ZDHHC18: variants seen among roughly 807,000 people sequenced by gnomAD.
The protein encoded by ZDHHC18 is palmitoyltransferase ZDHHC18.
In ZDHHC18, 23 loss-of-function variants were observed where a neutral mutation model predicts 37.5. That is an observed-to-expected ratio of 0.61 (90% CI 0.44 to 0.87). The LOEUF is 0.87. ZDHHC18 is among the 40% of genes least tolerant of loss of function. ZDHHC18 has a pLI of 0.00. For missense variants in ZDHHC18, 406 were observed against 525.6 expected (o/e 0.77, Z 2.22); for synonymous variants, 185 against 218.7 (o/e 0.85, Z 1.36).
Position 26,854,161 on chromosome 1 carries a change from A to G in ZDHHC18, c.*318A>G. On this transcript the variant is annotated 3_prime_UTR_variant, in exon 8 of 8. Coordinates refer to ENST00000374142, the MANE Select transcript of ZDHHC18 (RefSeq NM_032283.3). This position sits in a 1 kb window ranked among gnomAD's most constrained non-coding sequence, Gnocchi z 4.6. ...CGAGCCCTGTGTGAGTGAGGCTGTG[A>G]ACTGAGCGTGAGGCCTCCCAGGTGG... 3.4e-6 allele frequency: 1 copy of G among 293,806 alleles called. No homozygotes were observed. The highest frequency in any genetic ancestry group is 6.5e-6 in the Non-Finnish European group (1 of 153,042). 18.2% of individuals were successfully genotyped at this position (293,806 alleles called of 1,614,324 possible).
At chr1:26,836,323 C>T (rs1164253751) in intron 2 of ZDHHC18, among the ~76,000 whole-genome samples, 2 of 152,282 alleles carry the variant, frequency 1.3e-5, no homozygotes. Flanking sequence ...ACAGACCTGC[C>T]TCGTGTTCCA....
At position 26,854,367 on chromosome 1, in the gene ZDHHC18, C is replaced by G. The variant is rs547126277; in HGVS notation, c.*524C>G. 8.5e-5 allele frequency: 13 copies of G among 152,914 alleles called. No homozygotes were observed. The highest frequency in any genetic ancestry group is 1.5e-4 in the Non-Finnish European group (10 of 68,394). The allele number at this position is 152,914 out of a possible 1,614,324, so 9.5% of individuals were successfully genotyped here. Reference sequence around the variant, plus strand: ...TGTGGGATTTTTGGTGGGGTTTTCCCCCCTTTTTTATGGAGTTGGCCAATA... The same window carrying G: ...TGTGGGATTTTTGGTGGGGTTTTCCGCCCTTTTTTATGGAGTTGGCCAATA... On this transcript the variant is annotated 3_prime_UTR_variant, in exon 8 of 8. Coordinates refer to ENST00000374142, the MANE Select transcript of ZDHHC18 (RefSeq NM_032283.3). The surrounding 1 kb of genome is among the most constrained non-coding windows in gnomAD (Gnocchi z 4.6).
chr1:26,845,217 G>A (rs946784947), intron 2 of ZDHHC18, among the ~76,000 whole-genome samples: 2 of 150,590 alleles, frequency 1.3e-5, no homozygotes, highest in East Asian at 1.9e-4. Flanking sequence ...AAGCCAAGGC[G>A]CCCAGCCCTT....
At chr1:26,830,936 CCACACCCTGCTAATTTTT>C (rs1484950219) in intron 1 of ZDHHC18, among the ~76,000 whole-genome samples, 7 of 152,150 alleles carry the variant, frequency 4.6e-5, no homozygotes, top group Non-Finnish European at 8.8e-5. Flanking sequence ...GCACATGCTA[CCACACCCTGCTAATTTTT>C]CTGTTTTTAT....
intron 2 of ZDHHC18, 122 bp from the exon 3 acceptor site, chr1:26,848,486 T>C: frequency 1.5e-6 from 2 of 1,319,506 alleles, no homozygotes; most frequent in Non-Finnish European, 2.1e-6. Flanking sequence ...TGTTTGTTCC[T>C]GGGAACCTGT....
chr1:26,834,811 G>C (rs141615001), intron 2 of ZDHHC18, among the ~76,000 whole-genome samples: 2 of 152,336 alleles, frequency 1.3e-5, no homozygotes, highest in African/African-American at 4.8e-5. Flanking sequence ...TCATGGGTTT[G>C]TTCATTTGTG....
intron 2 of ZDHHC18, among the ~76,000 whole-genome samples, chr1:26,843,823 G>C (rs897043102): frequency 6.6e-6 from 1 of 151,860 alleles, no homozygotes; most frequent in African/African-American, 2.4e-5. Context: ...TAAGTGTTCT[G>C]TCTGATGAAT....
chr1:26,830,335 G>A (rs1325876107), intron 1 of ZDHHC18, among the ~76,000 whole-genome samples: 2 of 152,204 alleles, frequency 1.3e-5, no homozygotes, highest in East Asian at 1.9e-4. Context: ...GTGACCTTGG[G>A]CAGATTACTT....
intron 1 of ZDHHC18, among the ~76,000 whole-genome samples, chr1:26,828,783 G>A (rs112510910): frequency 0.06 from 9,052 of 151,890 alleles, 348 homozygotes; most frequent in Non-Finnish European, 0.087. Context: ...TCAGCTCTGG[G>A]CTGAGTTTCA....
chr1:26,853,635 C>G, intron 7 of ZDHHC18, 91 bp from the exon 8 acceptor site: 1 of 1,259,726 alleles, frequency 7.9e-7, no homozygotes, highest in Non-Finnish European at 1.1e-6. Context: ...CTGGGCCTTT[C>G]CTTGGCTGAG....
chr1:26,850,786 G>T lies in ZDHHC18; in HGVS notation c.833+180G>T, dbSNP rs141336082. Among the ~76,000 whole-genome samples the T allele has an allele frequency of 2.0e-4, 31 of 152,320 alleles. 1 individual carries two copies. In the East Asian group the frequency reaches 6.0e-3, roughly 29 times the overall value. On this transcript the variant is annotated intron_variant, in intron 5 of 7. Transcript: ENST00000374142. The surrounding 1 kb of genome is among the most constrained non-coding windows in gnomAD (Gnocchi z 6.1). ...AAGAGCTGATCCTAAATGGGGCATT[G>T]TGGGGCCGGGGGTTCCTCGTCTTCA...
At chr1:26,844,324 C>T (rs893943708) in intron 2 of ZDHHC18, among the ~76,000 whole-genome samples, 1 of 152,206 alleles carries the variant, frequency 6.6e-6, no homozygotes, top group African/African-American at 2.4e-5. Flanking sequence ...TAGGTGTAAG[C>T]CACTGCACCC....
chr1:26,838,943 G>A (rs762521247), intron 2 of ZDHHC18, among the ~76,000 whole-genome samples: 8 of 152,252 alleles, frequency 5.3e-5, no homozygotes, highest in Non-Finnish European at 1.2e-4. Context: ...CCTTGAGCTG[G>A]CCTTAGAGGC....
intron 3 of ZDHHC18, 100 bp downstream of exon 3, chr1:26,848,857 G>A: frequency 2.0e-6 from 3 of 1,483,550 alleles, no homozygotes; most frequent in South Asian, 2.5e-5. Flanking sequence ...GGCAGGGTCT[G>A]AAATACCCAG....
Position 26,851,033 on chromosome 1 carries a change from TG to T in ZDHHC18, c.834-92del, listed in dbSNP as rs1476403028. The T allele has an allele frequency of 3.7e-5, 45 of 1,223,276 alleles. 2 individuals carry two copies. The East Asian group carries it at 1.0e-3, about 27-fold the overall frequency. 75.8% of individuals were successfully genotyped at this position (1,223,276 alleles called of 1,614,324 possible). On this transcript the variant is annotated intron_variant, in intron 5 of 7. Coordinates refer to ENST00000374142, the MANE Select transcript of ZDHHC18 (RefSeq NM_032283.3). ...AAGGTTCCAAAACTTCTCAGCTCTC[TG>T]GGGAAACAGCTCCATGGAAGGATAG...
At chr1:26,838,230 G>A (rs919511509) in intron 2 of ZDHHC18, among the ~76,000 whole-genome samples, 5 of 151,884 alleles carry the variant, frequency 3.3e-5, no homozygotes, top group Admixed American at 6.6e-5. Context: ...CCCGACCTCC[G>A]GTGATCCGCC....
Position 26,826,882 on chromosome 1 carries a change from C to T in ZDHHC18, c.78C>T (p.Gly26=). The change falls in exon 1 of 8, where the codon GGC becomes GGT. Residue 26 remains glycine, a synonymous_variant. Transcript: ENST00000374142. The surrounding 1 kb of genome is among the most constrained non-coding windows in gnomAD (Gnocchi z 5.2). ...CCTCCCCGGGGGCGCGCCGTCCCGG[C>T]CCCGCCGCGTCCCCGACTCCGGGCC... ...LPASPGARRP[G]PAASPTPGPG... is the part of the protein sequence containing the mutation. The T allele has an allele frequency of 6.1e-6, 6 of 980,986 alleles. No homozygotes were observed. Among genetic ancestry groups the T allele is most frequent in the Non-Finnish European group, 7.2e-6 (6 of 828,356 alleles). The allele number at this position is 980,986 out of a possible 1,614,324, so 60.8% of individuals were successfully genotyped here. A position where few individuals can be genotyped will look rare whatever the true frequency, so the allele number is the denominator to read the frequency against.
chr1:26,833,050 A>G (rs1196164375), intron 2 of ZDHHC18, among the ~76,000 whole-genome samples: 3 of 152,254 alleles, frequency 2.0e-5, no homozygotes, highest in Admixed American at 1.3e-4. Flanking sequence ...TTAAACATTC[A>G]TATACACTTA....
At chr1:26,846,146 A>ATATATATACATGTATATATGTC (rs2081662932) in intron 2 of ZDHHC18, among the ~76,000 whole-genome samples, 1 of 148,332 alleles carries the variant, frequency 6.7e-6, no homozygotes, top group African/African-American at 2.5e-5. Flanking sequence ...ATATGTGTGT[A>ATATATATACATGTATATATGTC]TATATATACA....
Sources: allele counts gnomAD v4.1 joint callset (sites outside exome capture counted in the v4.1 genomes callset), GRCh38; gene constraint gnomAD v4.1.1; non-coding constraint Gnocchi (gnomAD v3.1); transcripts MANE v1.5; gene names NCBI Gene and HGNC (gene_info 2026-07-23, HGNC 2026-07-21).